The following COL4A6 variants were observed in gnomAD, a reference collection of about 807,000 sequenced individuals.
COL4A6 encodes collagen alpha-6(IV) chain.
Under a neutral mutation model 126.7 loss-of-function variants are expected in COL4A6, and 59 were observed. The observed-to-expected ratio is 0.47, with a 90% CI of 0.38 to 0.58. The LOEUF (loss-of-function observed/expected upper bound fraction) is 0.58, where lower values mean the gene tolerates loss of function less well. COL4A6 is among the 20% of genes least tolerant of loss of function. COL4A6 has a pLI of 0.00. For synonymous variants in COL4A6, 547 were observed against 496.6 expected (o/e 1.10, Z -1.35); for missense variants, 1,285 against 1,337.3 (o/e 0.96, Z 0.61).
intron 5 of COL4A6, among the ~76,000 whole-genome samples, chrX:108,217,498 G>T (rs1214001739): frequency 9.0e-6 from 1 of 111,100 alleles, no homozygotes; most frequent in African/African-American, 3.3e-5. Context: ...TGCAGAGTTT[G>T]GTCATGGGCC....
At chrX:108,157,389 C>T (rs941619547) in intron 44 of COL4A6, 129 bp from the exon 45 acceptor site, 3 of 936,365 alleles carry the variant, frequency 3.2e-6, no homozygotes, top group African/African-American at 4.0e-5. Context: ...GTCTCAGCCC[C>T]CAGTTCAAGC....
At chrX:108,165,165 G>C (rs1819926210) in intron 38 of COL4A6, 127 bp from the exon 39 acceptor site, 1 of 830,150 alleles carries the variant, frequency 1.2e-6, no homozygotes, top group Non-Finnish European at 1.7e-6. Flanking sequence ...ACCATCGGTG[G>C]GGTCCTAGTG....
chrX:108,296,041 T>C (rs1161837202), intron 3 of COL4A6, among the ~76,000 whole-genome samples: 4 of 112,199 alleles, frequency 3.6e-5, no homozygotes, highest in Non-Finnish European at 7.5e-5. Flanking sequence ...TTCAAAAGTT[T>C]TCTAATAGAT....
chrX:108,175,949 G>C, intron 28 of COL4A6, 152 bp from the exon 29 acceptor site: 1 of 462,744 alleles, frequency 2.2e-6, no homozygotes. Flanking sequence ...CAAAGTCTTA[G>C]TCATTACCAA....
At chrX:108,278,053 A>C (rs1237905912) in intron 3 of COL4A6, among the ~76,000 whole-genome samples, 25 of 112,220 alleles carry the variant, frequency 2.2e-4, no homozygotes, top group African/African-American at 8.1e-4. Context: ...AAAACAGAGC[A>C]GAAAAACTGG....
intron 37 of COL4A6, among the ~76,000 whole-genome samples, chrX:108,167,245 C>T (rs767093463): frequency 2.0e-4 from 22 of 112,149 alleles, no homozygotes; most frequent in Non-Finnish European, 3.9e-4. Context: ...GCAGCCTCTA[C>T]GTATTTAGTG....
At chrX:108,245,906 C>T (rs1012318617) in intron 3 of COL4A6, among the ~76,000 whole-genome samples, 2 of 111,836 alleles carry the variant, frequency 1.8e-5, no homozygotes, top group Admixed American at 9.5e-5. Context: ...AGGCTTAAAC[C>T]AACATTTCAA....
At chrX:108,159,864 C>G in intron 43 of COL4A6, 116 bp from the exon 44 acceptor site, 1 of 780,218 alleles carries the variant, frequency 1.3e-6, no homozygotes, top group Non-Finnish European at 2.0e-6. Flanking sequence ...CCCTCTCCTT[C>G]CAATCCTGTA....
intron 2 of COL4A6, among the ~76,000 whole-genome samples, chrX:108,433,351 A>G (rs2064206762): frequency 9.0e-6 from 1 of 111,032 alleles, no homozygotes; most frequent in African/African-American, 3.3e-5. Flanking sequence ...AAGCCCTATG[A>G]TCTGCCTCAC....
chrX:108,226,332 G>A (rs2036165198), intron 3 of COL4A6, among the ~76,000 whole-genome samples: 1 of 112,138 alleles, frequency 8.9e-6, no homozygotes, highest in African/African-American at 3.2e-5. Flanking sequence ...AGTTGGAGAT[G>A]CACAGACATC....
chrX:108,366,928 C>T (rs1371419075), intron 2 of COL4A6, among the ~76,000 whole-genome samples: 3 of 111,496 alleles, frequency 2.7e-5, no homozygotes, highest in South Asian at 3.8e-4. Flanking sequence ...ATGTGTTTGG[C>T]CACATTGGAA....
At chrX:108,322,744 G>GC (rs1269528771) in intron 2 of COL4A6, among the ~76,000 whole-genome samples, 1 of 112,095 alleles carries the variant, frequency 8.9e-6, no homozygotes, top group Non-Finnish European at 1.9e-5. Flanking sequence ...GTCATAGGGA[G>GC]CATGTGAGGA....
chrX:108,239,951 C>T (rs1224020869), intron 3 of COL4A6, among the ~76,000 whole-genome samples: 12 of 111,767 alleles, frequency 1.1e-4, no homozygotes, highest in Non-Finnish European at 2.3e-4. Flanking sequence ...ATTAGAATGG[C>T]ATTGAATTTG....
At chrX:108,326,165 C>CA (rs1180233471) in intron 2 of COL4A6, among the ~76,000 whole-genome samples, 2 of 111,587 alleles carry the variant, frequency 1.8e-5, no homozygotes, top group Non-Finnish European at 3.8e-5. Context: ...ATGAAATCTA[C>CA]AAAAAAACTA....
intron 8 of COL4A6, among the ~76,000 whole-genome samples, chrX:108,209,162 A>T (rs764875367): frequency 1.8e-5 from 2 of 111,910 alleles, no homozygotes; most frequent in South Asian, 7.5e-4. Flanking sequence ...ACTTTTTCTC[A>T]TGAAACTCCG....
chrX:108,273,213 A>G (rs2037501512), intron 3 of COL4A6, among the ~76,000 whole-genome samples: 1 of 110,894 alleles, frequency 9.0e-6, no homozygotes, highest in Non-Finnish European at 1.9e-5. Flanking sequence ...TTATGCAGCC[A>G]ACAGACACAT....
chrX:108,401,004 C>G (rs1460842745), intron 2 of COL4A6, among the ~76,000 whole-genome samples: 1 of 111,348 alleles, frequency 9.0e-6, no homozygotes, highest in African/African-American at 3.3e-5. Flanking sequence ...TAGAATTTTT[C>G]AAGGTTTTGT....
At chrX:108,225,069 C>T (rs1471277625) in intron 3 of COL4A6, among the ~76,000 whole-genome samples, 2 of 109,483 alleles carry the variant, frequency 1.8e-5, no homozygotes, top group Admixed American at 9.7e-5. Flanking sequence ...GGGGGAAGGC[C>T]GAGAGAAGAG....
At chrX:108,327,607 T>C (rs2039189249) in intron 2 of COL4A6, among the ~76,000 whole-genome samples, 1 of 110,099 alleles carries the variant, frequency 9.1e-6, no homozygotes, top group South Asian at 4.0e-4. Flanking sequence ...TTATCTATAG[T>C]GACAGAAAAC....
Sources: allele counts gnomAD v4.1 joint callset (sites outside exome capture counted in the v4.1 genomes callset), GRCh38; gene constraint gnomAD v4.1.1; transcripts MANE v1.5; gene names NCBI Gene and HGNC (gene_info 2026-07-23, HGNC 2026-07-21).